The following SLC28A3 variants were observed in gnomAD, a reference collection of about 807,000 sequenced individuals.
The protein encoded by SLC28A3 is solute carrier family 28 member 3.
A neutral mutation model predicts 84.2 loss-of-function variants in SLC28A3; 68 were observed. The observed-to-expected ratio is 0.81, with a 90% CI of 0.66 to 0.99. The LOEUF (loss-of-function observed/expected upper bound fraction) is 0.99, where lower values mean the gene tolerates loss of function less well. Among genes scored for constraint, SLC28A3 ranks in the 50% least tolerant of loss-of-function variants. The pLI is 0.00. For missense variants in SLC28A3, 712 were observed against 841.5 expected (o/e 0.85, Z 1.90); for synonymous variants, 267 against 303.6 (o/e 0.88, Z 1.25).
the SLC28A3 span, among the ~76,000 whole-genome samples, chr9:84,350,922 G>A: frequency 3.3e-5 from 5 of 152,168 alleles, no homozygotes; most frequent in South Asian, 1.0e-3. Flanking sequence ...TCTTGGCCAG[G>A]CTGGTATATC....
At chr9:84,342,127 C>CAAAAAAAAAAAAAAAAAAAAAAAAAAAAA (rs200186519), upstream of SLC28A3, among the ~76,000 whole-genome samples, 1 of 68,750 alleles carries the variant, frequency 1.5e-5, no homozygotes, top group African/African-American at 5.9e-5. Context: ...GACCCTGTCT[C>CAAAAAAAAAAAAAAAAAAAAAAAAAAAAA]AAAAAAAAAA....
chr9:84,288,017 G>T, intron 12 of SLC28A3, 31 bp downstream of exon 12: 1 of 1,613,038 alleles, frequency 6.2e-7, no homozygotes, highest in Non-Finnish European at 8.5e-7. Flanking sequence ...GGCTTGGGTA[G>T]TCATTAATTA....
intron 5 of SLC28A3, among the ~76,000 whole-genome samples, chr9:84,300,195 A>G (rs897294888): frequency 6.6e-5 from 10 of 152,232 alleles, no homozygotes; most frequent in Non-Finnish European, 1.5e-4. Flanking sequence ...GATTGTGGCT[A>G]TCAAGGCAAA....
intron 9 of SLC28A3, among the ~76,000 whole-genome samples, chr9:84,293,352 G>A (rs1306069303): frequency 1.3e-5 from 2 of 152,140 alleles, no homozygotes; most frequent in Admixed American, 1.3e-4. Flanking sequence ...TTGCTTTTTA[G>A]TTTAGACAAG....
chr9:84,314,142 G>A (rs1826087803), intron 1 of SLC28A3, among the ~76,000 whole-genome samples: 2 of 151,490 alleles, frequency 1.3e-5, no homozygotes, highest in African/African-American at 2.5e-5. Flanking sequence ...TTAGATTTAC[G>A]AAATGTTGAA....
chr9:84,305,945 T>C (rs907993584), intron 3 of SLC28A3, among the ~76,000 whole-genome samples: 1 of 152,164 alleles, frequency 6.6e-6, no homozygotes, highest in Non-Finnish European at 1.5e-5. Flanking sequence ...GTTGTTGGAA[T>C]GTCTTTATTT....
the SLC28A3 span, among the ~76,000 whole-genome samples, chr9:84,346,007 C>T: frequency 6.6e-6 from 1 of 152,096 alleles, no homozygotes; most frequent in Non-Finnish European, 1.5e-5. Context: ...TAAACAATTC[C>T]CCAGTCATGC....
At chr9:84,365,160 T>C in the SLC28A3 span, among the ~76,000 whole-genome samples, 2 of 152,192 alleles carry the variant, frequency 1.3e-5, no homozygotes, top group Non-Finnish European at 2.9e-5. Context: ...AGTTCCCTTT[T>C]CTCTTCATTC....
intron 1 of SLC28A3, 152 bp from the exon 2 acceptor site, chr9:84,313,606 C>A: frequency 1.6e-6 from 1 of 637,930 alleles, no homozygotes; most frequent in South Asian, 1.9e-5. Flanking sequence ...GCTGACAAAT[C>A]CTGGGCTTGT....
Position 84,278,072 on chromosome 9 carries a change from A to G in SLC28A3, c.*146T>C. 1 of 1,067,784 alleles carries G rather than the reference A, an allele frequency of 9.4e-7. No homozygotes were observed. Among genetic ancestry groups the G allele is most frequent in the Non-Finnish European group, 1.3e-6 (1 of 768,300 alleles). 66.1% of individuals were successfully genotyped at this position (1,067,784 alleles called of 1,614,324 possible). A position where few individuals can be genotyped will look rare whatever the true frequency, so the allele number is the denominator to read the frequency against. ...GAAAATGTTGTAGCTTTGAAGGTCC[A>G]CTCTTGTTTTTCTTCATTCCTTGCA... On this transcript the variant is annotated 3_prime_UTR_variant, in exon 18 of 18. Transcript: ENST00000376238.
In SLC28A3 at chr9:84,294,285, C is replaced by T. The variant is rs1322302374; in HGVS notation, c.862-10G>A. 8 of 1,613,908 alleles carry T rather than the reference C, an allele frequency of 5.0e-6. No individual in the cohort carries two copies. Among genetic ancestry groups the T allele is most frequent in the Non-Finnish European group, 6.8e-6 (8 of 1,179,828 alleles). ...CCACGATCGGCAGGACCTGTGGGGA[C>T]AGAAACAAACATGGATTAATGATGG... On this transcript the variant is annotated splice_polypyrimidine_tract_variant and intron_variant, in intron 8 of 17. Transcript: ENST00000376238.
intron 14 of SLC28A3, among the ~76,000 whole-genome samples, 193 bp from the exon 15 acceptor site, chr9:84,281,075 G>A (rs1056006019): frequency 6.6e-6 from 1 of 152,086 alleles, no homozygotes; most frequent in African/African-American, 2.4e-5. Flanking sequence ...ATGGAAGGGG[G>A]CTGTGTGGAC....
At chr9:84,297,437 G>T (rs949894174) in intron 7 of SLC28A3, 139 bp from the exon 8 acceptor site, 2 of 643,254 alleles carry the variant, frequency 3.1e-6, no homozygotes, top group African/African-American at 3.7e-5. Context: ...TCTCAGCTTT[G>T]CCCCCTCCAA....
chr9:84,309,052 T>A (rs1478604116), intron 3 of SLC28A3, among the ~76,000 whole-genome samples: 1 of 152,220 alleles, frequency 6.6e-6, no homozygotes, highest in Non-Finnish European at 1.5e-5. Context: ...CACTTTTAAT[T>A]AGAAGACTGT....
intron 8 of SLC28A3, among the ~76,000 whole-genome samples, chr9:84,294,698 T>C (rs1825352013): frequency 6.7e-6 from 1 of 150,108 alleles, no homozygotes; most frequent in Admixed American, 6.6e-5. Context: ...TAAGGCATGG[T>C]AGGTGCTGAC....
the SLC28A3 span, among the ~76,000 whole-genome samples, chr9:84,363,939 T>C: frequency 6.6e-6 from 1 of 152,202 alleles, no homozygotes; most frequent in East Asian, 1.9e-4. Context: ...AATTATCTTT[T>C]TTCATAGATT....
At chr9:84,286,816 C>A (rs186706555) in intron 12 of SLC28A3, among the ~76,000 whole-genome samples, 2 of 152,180 alleles carry the variant, frequency 1.3e-5, no homozygotes, top group African/African-American at 4.8e-5. Flanking sequence ...TTGATCTCAT[C>A]CTCCCCTCTA....
the SLC28A3 span, among the ~76,000 whole-genome samples, chr9:84,352,069 T>C: frequency 1.3e-5 from 2 of 152,228 alleles, no homozygotes; most frequent in East Asian, 3.8e-4. Flanking sequence ...TTCATATATG[T>C]AAACATATAC....
chr9:84,319,914 G>A (rs962727966), intron 1 of SLC28A3, among the ~76,000 whole-genome samples: 11 of 151,900 alleles, frequency 7.2e-5, no homozygotes, highest in African/African-American at 2.7e-4. Context: ...CCCCTTGAAC[G>A]CTAATATTTG....
Sources: gnomAD v4.1 joint callset for allele counts (sites outside exome capture counted in the v4.1 genomes callset) on GRCh38, gnomAD v4.1.1 for gene constraint, MANE v1.5 for transcripts, NCBI Gene and HGNC (gene_info 2026-07-23, HGNC 2026-07-21) for gene names.